Variants in EIF4EBP1 observed in about 807,000 individuals in gnomAD.
EIF4EBP1 encodes the protein eukaryotic translation initiation factor 4E-binding protein 1.
EIF4EBP1 carries 5 observed loss-of-function variants against 9.2 expected under a neutral mutation model. The ratio of observed to expected loss-of-function variants is 0.54; its 90% confidence interval spans 0.28 to 1.14. The LOEUF (loss-of-function observed/expected upper bound fraction) is 1.14, where lower values mean the gene tolerates loss of function less well. Ranked by LOEUF, EIF4EBP1 falls within the 50% of genes most tolerant of loss-of-function variation. The pLI is 0.09. For missense variants in EIF4EBP1, 139 were observed against 169.6 expected (o/e 0.82, Z 1.00); for synonymous variants, 62 against 67.0 (o/e 0.93, Z 0.36).
chr8:38,035,303 C>T (rs1293243134), intron 1 of EIF4EBP1, among the ~76,000 whole-genome samples: 1 of 152,136 alleles, frequency 6.6e-6, no homozygotes, highest in South Asian at 2.1e-4. Flanking sequence ...CTGCAACCTA[C>T]GCCTCCTGGG....
At chr8:38,048,856 C>T (rs1044609603) in intron 1 of EIF4EBP1, among the ~76,000 whole-genome samples, 2 of 151,872 alleles carry the variant, frequency 1.3e-5, no homozygotes, top group South Asian at 2.1e-4. Flanking sequence ...AGGCCGGGTA[C>T]GGTGGCTCAT....
intron 1 of EIF4EBP1, among the ~76,000 whole-genome samples, chr8:38,038,412 G>A (rs1809332253): frequency 6.7e-6 from 1 of 149,870 alleles, no homozygotes; most frequent in African/African-American, 2.4e-5. Context: ...GGAGGCTGAG[G>A]CAGAAGAATC....
chr8:38,052,754 T>C (rs886465863), intron 1 of EIF4EBP1, among the ~76,000 whole-genome samples: 4 of 151,278 alleles, frequency 2.6e-5, no homozygotes, highest in African/African-American at 7.3e-5. Context: ...GGTCTTGCAA[T>C]GTTGCCCAGG....
At chr8:38,050,282 C>T (rs531182403) in intron 1 of EIF4EBP1, among the ~76,000 whole-genome samples, 15 of 152,238 alleles carry the variant, frequency 9.9e-5, no homozygotes, top group African/African-American at 3.4e-4. Context: ...GCTTAGATCT[C>T]GCCTTAAATG....
chr8:38,036,900 T>C (rs1210458573), intron 1 of EIF4EBP1, among the ~76,000 whole-genome samples: 2 of 151,946 alleles, frequency 1.3e-5, no homozygotes, highest in Non-Finnish European at 2.9e-5. Flanking sequence ...TCCACCCGCC[T>C]TGACCTCCCA....
At chr8:38,042,930 T>G (rs1809401705) in intron 1 of EIF4EBP1, among the ~76,000 whole-genome samples, 1 of 152,104 alleles carries the variant, frequency 6.6e-6, no homozygotes. Context: ...CCAGGCGTGG[T>G]GGCAGGTGCC....
chr8:38,036,759 C>A (rs1050670126), intron 1 of EIF4EBP1, among the ~76,000 whole-genome samples: 1 of 151,922 alleles, frequency 6.6e-6, no homozygotes, highest in African/African-American at 2.4e-5. Context: ...AGCAATCCTC[C>A]CATCTCAGCC....
chr8:38,060,365 A>G lies in EIF4EBP1; in HGVS notation c.*430A>G, dbSNP rs1041656814. 8.5e-6 allele frequency: 2 copies of G among 235,226 alleles called. No individual in the cohort carries two copies. The highest frequency in any genetic ancestry group is 1.7e-5 in the Non-Finnish European group (2 of 119,266). 14.6% of individuals were successfully genotyped at this position (235,226 alleles called of 1,614,324 possible). On this transcript the variant is annotated 3_prime_UTR_variant, in exon 3 of 3. Transcript: ENST00000338825. ...AAGCCACCTTCGCCCTAGGGCCAAG[A>G]GTTGGGCCCCGTCTGAGCTTTTTTC...
chr8:38,050,652 G>A (rs560617380), intron 1 of EIF4EBP1, among the ~76,000 whole-genome samples: 7 of 151,650 alleles, frequency 4.6e-5, no homozygotes, highest in Admixed American at 1.3e-4. Context: ...TCGCTCTTTC[G>A]CTCAGGCTAC....
chr8:38,049,569 C>T (rs1294127444), intron 1 of EIF4EBP1, among the ~76,000 whole-genome samples: 2 of 151,616 alleles, frequency 1.3e-5, no homozygotes, highest in Non-Finnish European at 2.9e-5. Context: ...GCAACCTCCA[C>T]CTTGTGGGTT....
In EIF4EBP1 at chr8:38,033,743, C is replaced by CTTT. The variant is rs34809551; in HGVS notation, c.145+3044_145+3046dup. Among the ~76,000 whole-genome samples the CTTT allele has an allele frequency of 1.8e-3, 183 of 104,192 alleles. 2 individuals are homozygous for CTTT. The highest frequency in any genetic ancestry group is 6.6e-3 in the Middle Eastern group (1 of 152). 68.4% of individuals were successfully genotyped at this position (104,192 alleles called of 152,430 possible). On this transcript the variant is annotated intron_variant, in intron 1 of 2. Transcript: ENST00000338825. ...ATTCCTATGACTCCAGTTTGCTTTC[C>CTTT]TTTTTTTTTTTTTTTTTTTTTGAGA...
intron 1 of EIF4EBP1, among the ~76,000 whole-genome samples, chr8:38,049,236 G>C (rs901601189): frequency 6.6e-6 from 1 of 152,102 alleles, no homozygotes; most frequent in African/African-American, 2.4e-5. Flanking sequence ...TTTTCTGTCA[G>C]ATTGTGAAGG....
chr8:38,060,171 C>G lies in EIF4EBP1; in HGVS notation c.*236C>G, dbSNP rs754838448. On this transcript the variant is annotated 3_prime_UTR_variant, in exon 3 of 3. Transcript: ENST00000338825. ...AGCTGCCACCCCAAGGGGAGTGACC[C>G]CTGCCAGCACACCCTGCAGCCAAGG... The G allele has an allele frequency of 8.4e-6, 5 of 592,160 alleles. No homozygotes were observed. The highest frequency in any genetic ancestry group is 1.5e-5 in the Non-Finnish European group (5 of 330,990). The allele number at this position is 592,160 out of a possible 1,614,324, so 36.7% of individuals were successfully genotyped here.
chr8:38,039,419 T>G (rs1181774614), intron 1 of EIF4EBP1, among the ~76,000 whole-genome samples: 1 of 150,000 alleles, frequency 6.7e-6, no homozygotes, highest in Non-Finnish European at 1.5e-5. Context: ...TTTTTTTTTT[T>G]TTTTGAGTTG....
At chr8:38,056,257 G>T (rs1289598959) in intron 1 of EIF4EBP1, among the ~76,000 whole-genome samples, 1 of 152,086 alleles carries the variant, frequency 6.6e-6, no homozygotes, top group Non-Finnish European at 1.5e-5. Context: ...CTCCCAAAGT[G>T]CTGAGATTAC....
chr8:38,041,293 G>T (rs973804167), intron 1 of EIF4EBP1, among the ~76,000 whole-genome samples: 1 of 152,058 alleles, frequency 6.6e-6, no homozygotes, highest in African/African-American at 2.4e-5. Context: ...GTAGAGGCGG[G>T]GGTCTCACCA....
rs1470124634 is a variant in EIF4EBP1, at chr8:38,060,075, C to T, written c.*140C>T. On this transcript the variant is annotated 3_prime_UTR_variant, in exon 3 of 3. Coordinates refer to ENST00000338825, the MANE Select transcript of EIF4EBP1 (RefSeq NM_004095.4). ...TCGGACACCCCAGCCCTTTCTCCCT[C>T]ACTCAGGGCACCTGCCCCCTCCTCT... 1.3e-6 allele frequency: 1 copy of T among 796,672 alleles called. No individual in the cohort carries two copies. Among genetic ancestry groups the T allele is most frequent in the East Asian group, 2.6e-5 (1 of 39,118 alleles). The allele number at this position is 796,672 out of a possible 1,614,324, so 49.4% of individuals were successfully genotyped here.
At chr8:38,054,338 C>T (rs190663928) in intron 1 of EIF4EBP1, among the ~76,000 whole-genome samples, 1 of 152,220 alleles carries the variant, frequency 6.6e-6, no homozygotes, top group Non-Finnish European at 1.5e-5. Context: ...GTTGTCCCAG[C>T]TACTGGGGAG....
At chr8:38,056,276 G>A (rs1288139049) in intron 1 of EIF4EBP1, among the ~76,000 whole-genome samples, 1 of 152,124 alleles carries the variant, frequency 6.6e-6, no homozygotes, top group Admixed American at 6.6e-5. Context: ...ACAGGTGTGA[G>A]CTACCACACC....
Sources: allele counts gnomAD v4.1 joint callset (sites outside exome capture counted in the v4.1 genomes callset), GRCh38; gene constraint gnomAD v4.1.1; transcripts MANE v1.5; gene names NCBI Gene and HGNC (gene_info 2026-07-23, HGNC 2026-07-21).